The following SGTA variants were observed in gnomAD, a reference collection of about 807,000 sequenced individuals.
SGTA encodes the protein small glutamine-rich tetratricopeptide repeat-containing protein alpha.
In SGTA, 22 loss-of-function variants were observed where a neutral mutation model predicts 44.3. The ratio of observed to expected loss-of-function variants is 0.50; its 90% confidence interval spans 0.36 to 0.71. The LOEUF is 0.71. Ranked by LOEUF, SGTA falls within the 30% of genes least tolerant of loss-of-function variation. SGTA has a pLI of 0.00. For missense variants in SGTA, 341 were observed against 435.9 expected (o/e 0.78, Z 1.94); for synonymous variants, 174 against 177.6 (o/e 0.98, Z 0.16).
chr19:2,758,940 C>G (rs951566690), intron 9 of SGTA, among the ~76,000 whole-genome samples: 1 of 151,954 alleles, frequency 6.6e-6, no homozygotes, highest in Non-Finnish European at 1.5e-5. Context: ...GGCCCATCCA[C>G]AGAGACAGGA....
rs771696199 is a variant in SGTA at position 2,767,014 on chromosome 19, G to A, written c.292+122C>T. ...CCCCGTCCCCACAAGCCAGCGTGCT[G>A]GTCATCAGGGCAATTCCCTCAGCTC... On this transcript the variant is annotated intron_variant, in intron 4 of 11. Transcript: ENST00000221566. The surrounding 1 kb of genome is among the most constrained non-coding windows in gnomAD (Gnocchi z 7.3). The A allele has an allele frequency of 4.0e-6, 3 of 754,040 alleles. No homozygotes were observed. Among genetic ancestry groups the A allele is most frequent in the East Asian group, 2.7e-5 (1 of 36,738 alleles). 46.7% of individuals were successfully genotyped at this position (754,040 alleles called of 1,614,324 possible).
chr19:2,756,324 G>A (rs1327810840), intron 11 of SGTA, among the ~76,000 whole-genome samples: 1 of 152,044 alleles, frequency 6.6e-6, no homozygotes, highest in Non-Finnish European at 1.5e-5. Flanking sequence ...GATTAAGGTT[G>A]GGCTGAATGC....
rs1915024368 is a variant in SGTA at position 2,762,492 on chromosome 19, C to A, written c.636+14G>T. 1 of 1,613,370 alleles carries A rather than the reference C, an allele frequency of 6.2e-7. No homozygotes were observed. The highest frequency in any genetic ancestry group is 8.5e-7 in the Non-Finnish European group (1 of 1,179,846). On this transcript the variant is annotated intron_variant, in intron 7 of 11. Transcript: ENST00000221566. ...GCTCGGCGTTCTGGAGCCACTCGCCCCCGCTGCACTCACGGGGCTGGGGGC... is the reference window on the plus strand; with the variant it reads ...GCTCGGCGTTCTGGAGCCACTCGCCACCGCTGCACTCACGGGGCTGGGGGC...
chr19:2,778,515 C>T (rs920447506), intron 1 of SGTA, among the ~76,000 whole-genome samples: 2 of 152,122 alleles, frequency 1.3e-5, no homozygotes, highest in Non-Finnish European at 2.9e-5. Flanking sequence ...CGGCCCCCGC[C>T]GCCACATCCC....
intron 5 of SGTA, among the ~76,000 whole-genome samples, chr19:2,764,644 C>G (rs1915089723): frequency 2.6e-5 from 4 of 152,176 alleles, no homozygotes; most frequent in Admixed American, 2.0e-4. Flanking sequence ...GCAATCTTGG[C>G]TCACTGCAAC....
At position 2,765,993 on chromosome 19, in the gene SGTA, CG is replaced by C. The variant is rs1191325606; in HGVS notation, c.293-709del. Among the ~76,000 whole-genome samples the C allele has an allele frequency of 1.4e-4, 21 of 152,248 alleles. 1 individual carries two copies. In the South Asian group the frequency reaches 1.4e-3, roughly 11 times the overall value. On this transcript the variant is annotated intron_variant, in intron 4 of 11. Coordinates refer to ENST00000221566, the MANE Select transcript of SGTA (RefSeq NM_003021.4). The surrounding 1 kb of genome is among the most constrained non-coding windows in gnomAD (Gnocchi z 5.5). Reference sequence around the variant, plus strand: ...CAGCACTTTGGGAGGCCGACGCAGGCGGATCGCAAGATCAGGAGACCAAGAC... The same window carrying C: ...CAGCACTTTGGGAGGCCGACGCAGGCGATCGCAAGATCAGGAGACCAAGAC...
chr19:2,782,398 A>T (rs1179515996), intron 1 of SGTA, among the ~76,000 whole-genome samples: 2 of 152,224 alleles, frequency 1.3e-5, no homozygotes, highest in Non-Finnish European at 2.9e-5. Context: ...ATTTTCTGGC[A>T]CCTAATAACA....
chr19:2,768,037 GC>G (rs897343488), intron 2 of SGTA, among the ~76,000 whole-genome samples: 5 of 152,154 alleles, frequency 3.3e-5, no homozygotes, highest in Non-Finnish European at 7.4e-5. Context: ...GGGGTGAGGT[GC>G]CCCGGATGCT....
chr19:2,762,077 C>T (rs902007990), intron 7 of SGTA, among the ~76,000 whole-genome samples: 2 of 152,144 alleles, frequency 1.3e-5, no homozygotes, highest in African/African-American at 4.8e-5. Context: ...TAACCCAGAA[C>T]CCACACCCTC....
chr19:2,757,780 A>G lies in SGTA; in HGVS notation c.740T>C (p.Met247Thr). 4.4e-6 allele frequency: 7 copies of G among 1,596,110 alleles called. No individual in the cohort carries two copies. The highest frequency in any genetic ancestry group is 6.0e-6 in the Non-Finnish European group (7 of 1,171,784). Residue 247 changes from methionine to threonine, a missense_variant and splice_region_variant, in exon 10 of 12, where the codon ATG becomes ACG. Coordinates refer to ENST00000221566, the MANE Select transcript of SGTA (RefSeq NM_003021.4). ...GTTGCCACCCGAAATCATGCCGGAC[A>G]TGCTGCAGGAGAGAGCGCGTGACTC... Reference protein sequence around the residue: ...LMNNPQIQQLMSGMISGGNNP... With the variant: ...LMNNPQIQQLTSGMISGGNNP...
chr19:2,772,712 T>G (rs1209387767), intron 1 of SGTA, among the ~76,000 whole-genome samples: 1 of 152,004 alleles, frequency 6.6e-6, no homozygotes, highest in East Asian at 1.9e-4. Context: ...AAAGGGGACA[T>G]TTGGATGCAG....
rs1439198135 is a variant in SGTA, at chr19:2,763,205, AGAG to A, written c.497+445_497+447del. On this transcript the variant is annotated intron_variant, in intron 6 of 11. Transcript: ENST00000221566. The surrounding 1 kb of genome is among the most constrained non-coding windows in gnomAD (Gnocchi z 5.8). ...CCACAAACTCTGAGCAAGGGCATTC[AGAG>A]AAGCAGGCGAATGCACGCTTATGCT... Among the ~76,000 whole-genome samples the A allele has an allele frequency of 6.6e-6, 1 of 152,194 alleles. No homozygotes were observed. The highest frequency in any genetic ancestry group is 1.5e-5 in the Non-Finnish European group (1 of 68,030).
chr19:2,762,386 A>C, intron 7 of SGTA, 120 bp downstream of exon 7: 1 of 1,007,682 alleles, frequency 9.9e-7, no homozygotes, highest in Non-Finnish European at 1.5e-6. Context: ...CAACTGAAAC[A>C]AACCCCGGAC....
At chr19:2,774,667 T>G (rs1915402504) in intron 1 of SGTA, among the ~76,000 whole-genome samples, 1 of 151,944 alleles carries the variant, frequency 6.6e-6, no homozygotes, top group African/African-American at 2.4e-5. Context: ...ACCTAGAACG[T>G]CAACTATGTA....
chr19:2,780,157 G>GA (rs1308685629), intron 1 of SGTA, among the ~76,000 whole-genome samples: 2 of 151,950 alleles, frequency 1.3e-5, no homozygotes, highest in African/African-American at 2.4e-5. Flanking sequence ...TCATTCAATG[G>GA]AAAAAAATAG....
rs567061355 is a variant in SGTA, at chr19:2,761,115, G to A, written c.699+345C>T. Among the ~76,000 whole-genome samples the A allele has an allele frequency of 1.2e-3, 184 of 152,366 alleles. 2 individuals are homozygous for A. The highest frequency in any genetic ancestry group is 6.8e-3 in the Middle Eastern group (2 of 294). On this transcript the variant is annotated intron_variant, in intron 8 of 11. Coordinates refer to ENST00000221566, the MANE Select transcript of SGTA (RefSeq NM_003021.4). This position sits in a 1 kb window ranked among gnomAD's most constrained non-coding sequence, Gnocchi z 5.7. The stretch of plus-strand genomic sequence containing the variant: ...GTGATCAGTGTCTCTGCACTGCGAG[G>A]AGGAGCCCACGCCAGGGTGGGGTGG...
At position 2,767,966 on chromosome 19, in the gene SGTA, A is replaced by G. The variant is rs906239616; in HGVS notation, c.101-280T>C. Among the ~76,000 whole-genome samples the G allele has an allele frequency of 1.4e-4, 22 of 152,150 alleles. No homozygotes were observed. The highest frequency in any genetic ancestry group is 4.6e-4 in the African/African-American group (19 of 41,440). On this transcript the variant is annotated intron_variant, in intron 2 of 11. Transcript: ENST00000221566. This position sits in a 1 kb window ranked among gnomAD's most constrained non-coding sequence, Gnocchi z 7.3. Reference sequence around the variant, plus strand: ...GACCTCAGGCCTCTGTGGGGTCCCAATGCTGGGGCTGCCCGGCTGCGGCGT... The same window carrying G: ...GACCTCAGGCCTCTGTGGGGTCCCAGTGCTGGGGCTGCCCGGCTGCGGCGT...
At position 2,755,607 on chromosome 19, in the gene SGTA, C is replaced by T. The variant is rs1914800912; in HGVS notation, c.*333G>A. 3.0e-6 allele frequency: 3 copies of T among 985,192 alleles called. No homozygotes were observed. The highest frequency in any genetic ancestry group is 5.1e-4 in the Middle Eastern group (1 of 1,950). 61.0% of individuals were successfully genotyped at this position (985,192 alleles called of 1,614,324 possible). On this transcript the variant is annotated 3_prime_UTR_variant, in exon 12 of 12. Transcript: ENST00000221566. The surrounding 1 kb of genome is among the most constrained non-coding windows in gnomAD (Gnocchi z 5.2). Reference sequence around the variant, plus strand: ...TCCGCCACACGGCTGAACGTGAAACCTGCCACTTCTCTGAGAGCGGCCCGG... The same window carrying T: ...TCCGCCACACGGCTGAACGTGAAACTTGCCACTTCTCTGAGAGCGGCCCGG...
At chr19:2,766,896 A>C (rs1915157615) in intron 4 of SGTA, among the ~76,000 whole-genome samples, 1 of 151,900 alleles carries the variant, frequency 6.6e-6, no homozygotes. Context: ...AGTCTTCCAC[A>C]GGGGCCGCTC....
Sources: allele counts gnomAD v4.1 joint callset (sites outside exome capture counted in the v4.1 genomes callset), GRCh38; gene constraint gnomAD v4.1.1; non-coding constraint Gnocchi (gnomAD v3.1); transcripts MANE v1.5; gene names NCBI Gene and HGNC (gene_info 2026-07-23, HGNC 2026-07-21).